Variants in ARHGEF1 observed in about 807,000 individuals in gnomAD.
ARHGEF1 encodes the protein Rho guanine nucleotide exchange factor 1.
ARHGEF1 carries 40 observed loss-of-function variants against 119.7 expected under a neutral mutation model. The observed-to-expected ratio is 0.33, with a 90% confidence interval of 0.26 to 0.44. The LOEUF is 0.44. Among genes scored for constraint, ARHGEF1 ranks in the 20% least tolerant of loss-of-function variants. ARHGEF1 has a pLI of 1.00. For missense variants in ARHGEF1, 976 were observed against 1,268.3 expected, an observed-to-expected ratio of 0.77 and a Z score of 3.50; for synonymous variants, 494 against 521.0, an observed-to-expected ratio of 0.95 and a Z score of 0.71.
At position 41,903,687 on chromosome 19, in the gene ARHGEF1, T is replaced by C. The variant is rs1555849509; in HGVS notation, c.1840-20T>C. 13 of 1,611,198 alleles carry C rather than the reference T, an allele frequency of 8.1e-6. No homozygotes were observed. Among genetic ancestry groups the C allele is most frequent in the Non-Finnish European group, 1.1e-5 (13 of 1,179,858 alleles). On this transcript the variant is annotated intron_variant, in intron 19 of 28. Transcript: ENST00000354532. The surrounding 1 kb of genome is among the most constrained non-coding windows in gnomAD (Gnocchi z 4.2). ...CCCAGCACTTAGCTTGTCCCCATAA[T>C]GCTCCCGTCTCTGCCCCAGAGGCTC...
intron 9 of ARHGEF1, 36 bp from the exon 10 acceptor site, chr19:41,894,415 A>T: frequency 1.3e-6 from 2 of 1,530,286 alleles, no homozygotes; most frequent in South Asian, 1.3e-5. Flanking sequence ...TGTCTCAGAG[A>T]TGCTTAGCCT....
intron 1 of ARHGEF1, among the ~76,000 whole-genome samples, chr19:41,885,541 A>C (rs2074281308): frequency 6.6e-6 from 1 of 152,178 alleles, no homozygotes; most frequent in Admixed American, 6.5e-5. Context: ...AGCTCACTGC[A>C]ACCTCCGCCT....
chr19:41,912,423 G>C (rs2074758339), downstream of ARHGEF1, among the ~76,000 whole-genome samples: 1 of 152,190 alleles, frequency 6.6e-6, no homozygotes, highest in Non-Finnish European at 1.5e-5. Flanking sequence ...GGTCTGGCCG[G>C]GTCGTGCCTG....
intron 18 of ARHGEF1, among the ~76,000 whole-genome samples, chr19:41,912,547 A>G (rs2074759210): frequency 6.6e-6 from 1 of 152,180 alleles, no homozygotes; most frequent in South Asian, 2.1e-4. Flanking sequence ...GCGTGGGAGC[A>G]GGCTGAGACG....
At chr19:41,909,222 C>T (rs1555851067), downstream of ARHGEF1, 5 of 1,231,416 alleles carry the variant, frequency 4.1e-6, no homozygotes, top group Non-Finnish European at 4.0e-6. This position sits in a 1 kb window ranked among gnomAD's most constrained non-coding sequence, Gnocchi z 5.2. Flanking sequence ...ACTGTCCCCT[C>T]CCCAGAGTGG....
Position 41,883,566 on chromosome 19 carries a change from A to C in ARHGEF1, c.-20+277A>C, listed in dbSNP as rs1234252935. ...GCTCAGTGGAGAACGGACGATCACT[A>C]CCATTGTACGGGTGGGGAAACCGAG... On this transcript the variant is annotated intron_variant, in intron 1 of 28. Transcript: ENST00000354532. The surrounding 1 kb of genome is among the most constrained non-coding windows in gnomAD (Gnocchi z 7.6). Among the ~76,000 whole-genome samples, 8 of 152,144 alleles carry C rather than the reference A, an allele frequency of 5.3e-5. No homozygotes were observed. The highest frequency in any genetic ancestry group is 3.9e-4 in the Admixed American group (6 of 15,282).
At position 41,907,165 on chromosome 19, in the gene ARHGEF1, A is replaced by G; in HGVS notation, c.*78A>G. The G allele has an allele frequency of 6.5e-7, 1 of 1,529,882 alleles. No homozygotes were observed. The highest frequency in any genetic ancestry group is 1.7e-4 in the Middle Eastern group (1 of 5,924). The allele number at this position is 1,529,882 out of a possible 1,614,324, so 94.8% of individuals were successfully genotyped here. A position where few individuals can be genotyped will look rare whatever the true frequency, so the allele number is the denominator to read the frequency against. ...CGTGAGGGACCACCCCCACCCACAC[A>G]GCTGCCGCAGCATCTCACACCCCGA... On this transcript the variant is annotated 3_prime_UTR_variant, in exon 29 of 29. Coordinates refer to ENST00000354532, the MANE Select transcript of ARHGEF1 (RefSeq NM_004706.4).
rs781876611 is a variant in ARHGEF1 at position 41,883,951 on chromosome 19, T to C, written c.-20+662T>C. ...ATTACACTGCATGTCAGAGGGAAAG[T>C]TGTGCTGGAACTCAAGACTATTGCT... On this transcript the variant is annotated intron_variant, in intron 1 of 28. Transcript: ENST00000354532. The surrounding 1 kb of genome is among the most constrained non-coding windows in gnomAD (Gnocchi z 7.6). Among the ~76,000 whole-genome samples the C allele has an allele frequency of 1.3e-5, 2 of 151,956 alleles. No individual in the cohort carries two copies. The highest frequency in any genetic ancestry group is 2.9e-5 in the Non-Finnish European group (2 of 67,980).
rs2074667379 is a variant in ARHGEF1, at chr19:41,904,999, T to C, written c.2212T>C (p.Tyr738His). 6.2e-7 allele frequency: 1 copy of C among 1,614,192 alleles called. No homozygotes were observed. The highest frequency in any genetic ancestry group is 8.5e-7 in the Non-Finnish European group (1 of 1,180,008). Residue 738 changes from tyrosine to histidine, a missense_variant, in exon 23 of 29, where the codon TAC (tyrosine) becomes CAC (histidine). Physicochemically the swap from Tyr to His is moderately conservative, Grantham distance 83. Coordinates refer to ENST00000354532, the MANE Select transcript of ARHGEF1 (RefSeq NM_004706.4). The surrounding 1 kb of genome is among the most constrained non-coding windows in gnomAD (Gnocchi z 8.4). Reference sequence around the variant, plus strand: ...TACCTGGGACCAGGAGGCCCAGATATACGAGCTGGTGGCACAGACTGTGTC... The same window carrying C: ...TACCTGGGACCAGGAGGCCCAGATACACGAGCTGGTGGCACAGACTGTGTC... ...LFTWDQEAQI[Y>H]ELVAQTVSER...
Position 41,916,041 on chromosome 19 carries a change from C to T in ARHGEF1, c.1866-7051C>T, listed in dbSNP as rs577307508. 1.3e-5 allele frequency among the ~76,000 whole-genome samples: 2 copies of T among 152,054 alleles called. No homozygotes were observed. The highest frequency in any genetic ancestry group is 4.8e-5 in the African/African-American group (2 of 41,384). ...CCCCCCCTTCGCCCCCCATCTCTAC[C>T]GCCCGCAGCCATGGCACCGAATGTG... On this transcript the variant is annotated intron_variant, in intron 18 of 20. Transcript: ENST00000599589. The surrounding 1 kb of genome is among the most constrained non-coding windows in gnomAD (Gnocchi z 5.4).
Position 41,905,375 on chromosome 19 carries a change from G to GCT in ARHGEF1, c.2336+115_2336+116insTC. The GCT allele has an allele frequency of 5.7e-6, 5 of 875,510 alleles. No homozygotes were observed. The highest frequency in any genetic ancestry group is 8.8e-6 in the Non-Finnish European group (5 of 568,410). The allele number at this position is 875,510 out of a possible 1,614,324, so 54.2% of individuals were successfully genotyped here. A position where few individuals can be genotyped will look rare whatever the true frequency, so the allele number is the denominator to read the frequency against. Reference sequence around the variant, plus strand: ...TGTGTGAGCATGCACATGTGTGAATGCATGTGTGTGCATACATGTGTGTCT... The same window carrying GCT: ...TGTGTGAGCATGCACATGTGTGAATGCTCATGTGTGTGCATACATGTGTGTCT... On this transcript the variant is annotated intron_variant, in intron 24 of 28. Transcript: ENST00000354532. This position sits in a 1 kb window ranked among gnomAD's most constrained non-coding sequence, Gnocchi z 6.4.
chr19:41,915,522 C>G (rs917126051), intron 18 of ARHGEF1, among the ~76,000 whole-genome samples: 4 of 151,992 alleles, frequency 2.6e-5, no homozygotes, highest in African/African-American at 9.7e-5. Context: ...CTCCACATGG[C>G]TCTGTTTTAA....
intron 18 of ARHGEF1, chr19:41,912,831 G>C (rs1181834408): frequency 9.6e-7 from 1 of 1,043,508 alleles, no homozygotes; most frequent in Non-Finnish European, 1.2e-6. Flanking sequence ...GGGAAGGGGT[G>C]GGGGAGGTCC....
Position 41,895,394 on chromosome 19 carries a change from C to G in ARHGEF1, c.923C>G (p.Pro308Arg), listed in dbSNP as rs1555847354. ...ATDRKGGVGM[P>R]SRDRNIGAPG... ...GACCGGAAGGGAGGCGTGGGGATGC[C>G]CTCTCGGGACCGGAATATCGGGGCT... Residue 308 changes from proline (P) to arginine (R), a missense_variant, in exon 12 of 29, where the codon CCC (proline) becomes CGC (arginine). Physicochemically the swap from Pro to Arg is moderately radical, Grantham distance 103 (BLOSUM62 -2). Coordinates refer to ENST00000354532, the MANE Select transcript of ARHGEF1 (RefSeq NM_004706.4). 6.2e-7 allele frequency: 1 copy of G among 1,612,670 alleles called. No individual in the cohort carries two copies. The highest frequency in any genetic ancestry group is 1.3e-5 in the African/African-American group (1 of 74,952).
chr19:41,903,614 AG>A lies in ARHGEF1; in HGVS notation c.1840-92del. The A allele has an allele frequency of 7.2e-7, 1 of 1,379,650 alleles. No individual in the cohort carries two copies. The highest frequency in any genetic ancestry group is 1.0e-6 in the Non-Finnish European group (1 of 986,674). The allele number at this position is 1,379,650 out of a possible 1,614,324, so 85.5% of individuals were successfully genotyped here. A position where few individuals can be genotyped will look rare whatever the true frequency, so the allele number is the denominator to read the frequency against. On this transcript the variant is annotated intron_variant, in intron 19 of 28. Transcript: ENST00000354532. The surrounding 1 kb of genome is among the most constrained non-coding windows in gnomAD (Gnocchi z 4.2). Reference sequence around the variant, plus strand: ...CAACCCTCAGCTTGCCCGCATCAGAAGTTGGTCTTGGCTCTCATCTTACCAA... The same window carrying A: ...CAACCCTCAGCTTGCCCGCATCAGAATTGGTCTTGGCTCTCATCTTACCAA...
downstream of ARHGEF1, among the ~76,000 whole-genome samples, chr19:41,910,576 C>A (rs181744582): frequency 2.0e-5 from 3 of 151,876 alleles, no homozygotes; most frequent in East Asian, 5.8e-4. The surrounding 1 kb of genome is among the most constrained non-coding windows in gnomAD (Gnocchi z 4.4). Context: ...TTCCCCAGAG[C>A]CCCCCACTGA....
At chr19:41,921,325 A>G (rs2074841201), upstream of ARHGEF1, among the ~76,000 whole-genome samples, 1 of 152,052 alleles carries the variant, frequency 6.6e-6, no homozygotes. The surrounding 1 kb of genome is among the most constrained non-coding windows in gnomAD (Gnocchi z 4.4). Flanking sequence ...TACATGGAGA[A>G]CTGAGAGGAA....
At chr19:41,899,779 T>G (rs1555848676) in intron 14 of ARHGEF1, among the ~76,000 whole-genome samples, 1 of 152,052 alleles carries the variant, frequency 6.6e-6, no homozygotes, top group Non-Finnish European at 1.5e-5. Flanking sequence ...CGTGAGCCAC[T>G]GTGCCTAGCC....
chr19:41,891,336 G>A (rs8109959), intron 4 of ARHGEF1, among the ~76,000 whole-genome samples: 28,334 of 152,110 alleles, frequency 0.19, 7,390 homozygotes, highest in African/African-American at 0.58. Flanking sequence ...AGGCTGGAGT[G>A]CAGTGGCACA....
Sources: gnomAD v4.1 joint callset for allele counts (sites outside exome capture counted in the v4.1 genomes callset) on GRCh38, gnomAD v4.1.1 for gene constraint, Gnocchi (gnomAD v3.1) non-coding constraint, MANE v1.5 for transcripts, NCBI Gene and HGNC (gene_info 2026-07-23, HGNC 2026-07-21) for gene names.